Variants in TEAD1 observed in about 807,000 individuals in gnomAD.
TEAD1 encodes transcriptional enhancer factor TEF-1.
TEAD1 carries 9 observed loss-of-function variants against 54.9 expected under a neutral mutation model. The ratio of observed to expected loss-of-function variants is 0.16; its 90% CI spans 0.10 to 0.29. TEAD1 has a LOEUF of 0.29. Among genes scored for constraint, TEAD1 ranks in the 10% least tolerant of loss-of-function variants. The pLI is 1.00. For missense variants in TEAD1, 387 were observed against 535.9 expected, an observed-to-expected ratio of 0.72 and a Z score of 2.74; for synonymous variants, 200 against 187.8, an observed-to-expected ratio of 1.07 and a Z score of -0.53.
chr11:12,773,549 C>T (rs1444970381), intron 3 of TEAD1, among the ~76,000 whole-genome samples: 4 of 152,096 alleles, frequency 2.6e-5, no homozygotes, highest in Non-Finnish European at 5.9e-5. Flanking sequence ...TGCTTATTTG[C>T]CATCTGTATA....
intron 3 of TEAD1, chr11:12,822,792 A>G (rs1162537047): frequency 1.3e-5 from 2 of 152,206 alleles, no homozygotes; most frequent in African/African-American, 4.8e-5. Flanking sequence ...ATTAGCATCC[A>G]TATTAGTAAG....
chr11:12,692,865 G>A (rs547227171), intron 2 of TEAD1, among the ~76,000 whole-genome samples: 4 of 152,312 alleles, frequency 2.6e-5, no homozygotes, highest in Admixed American at 2.6e-4. Flanking sequence ...CTGCACTTTG[G>A]CCTTGCCTGG....
In TEAD1 at chr11:12,857,133, A is replaced by G. The variant is rs1589930049; in HGVS notation, c.203-5117A>G. Among the ~76,000 whole-genome samples, 5 of 152,320 alleles carry G rather than the reference A, an allele frequency of 3.3e-5. No individual in the cohort carries two copies. The Middle Eastern group carries it at 0.017, about 518-fold the overall frequency. ...TATTGCCCCTTTAGCAGGAAATTCCATGGCAATCCAAGATGCAAGAGAAGC... is the reference window on the plus strand; with the variant it reads ...TATTGCCCCTTTAGCAGGAAATTCCGTGGCAATCCAAGATGCAAGAGAAGC... On this transcript the variant is annotated intron_variant, in intron 3 of 12. Transcript: ENST00000527636.
At chr11:12,844,598 A>G (rs1947102470) in intron 3 of TEAD1, among the ~76,000 whole-genome samples, 1 of 152,178 alleles carries the variant, frequency 6.6e-6, no homozygotes, top group African/African-American at 2.4e-5. Context: ...AAATCTCCAC[A>G]GCAATATGGC....
intron 5 of TEAD1, chr11:12,878,917 A>C (rs1378970371): frequency 7.8e-7 from 1 of 1,286,976 alleles, no homozygotes; most frequent in Admixed American, 2.3e-5. Flanking sequence ...ATTTTCACCA[A>C]ACTGAGTATT....
At chr11:12,874,546 A>G (rs747067411) in intron 5 of TEAD1, among the ~76,000 whole-genome samples, 12 of 152,246 alleles carry the variant, frequency 7.9e-5, no homozygotes, top group Admixed American at 7.2e-4. Flanking sequence ...TACTTAGAAC[A>G]ATAACAATTT....
At chr11:12,779,819 A>G (rs181198576) in intron 3 of TEAD1, among the ~76,000 whole-genome samples, 114 of 152,330 alleles carry the variant, frequency 7.5e-4, no homozygotes, top group Non-Finnish European at 1.3e-3. Context: ...TAGAGTGAAG[A>G]AAAAACCACA....
chr11:12,774,481 G>C (rs978080537), intron 3 of TEAD1, among the ~76,000 whole-genome samples: 2 of 152,154 alleles, frequency 1.3e-5, no homozygotes, highest in African/African-American at 4.8e-5. Flanking sequence ...TAAAAGCAGA[G>C]AGCAGAACAG....
At position 12,885,491 on chromosome 11, in the gene TEAD1, C is replaced by A. The variant is rs144836139; in HGVS notation, c.699+2366C>A. ...TGACCTTGTGATCTGCCCGCCTAGG[C>A]CTCCCGAAGTGCTGGGATTACAGGC... On this transcript the variant is annotated intron_variant, in intron 9 of 12. Transcript: ENST00000527636. 4.6e-3 allele frequency among the ~76,000 whole-genome samples: 699 copies of A among 152,182 alleles called. 3 individuals carry two copies. The highest frequency in any genetic ancestry group is 0.016 in the African/African-American group (672 of 41,526).
chr11:12,931,787 AT>A (rs1332686293), intron 12 of TEAD1, among the ~76,000 whole-genome samples: 1 of 152,136 alleles, frequency 6.6e-6, no homozygotes, highest in African/African-American at 2.4e-5. Context: ...ATAAAAAAAA[AT>A]AAGTAACATT....
intron 11 of TEAD1, among the ~76,000 whole-genome samples, chr11:12,927,902 G>T (rs1216441608): frequency 6.6e-6 from 1 of 152,034 alleles, no homozygotes; most frequent in African/African-American, 2.4e-5. Flanking sequence ...AGATTCCTGG[G>T]GTACCCTTGT....
At chr11:12,688,772 G>T (rs1051344570) in intron 2 of TEAD1, among the ~76,000 whole-genome samples, 1 of 152,146 alleles carries the variant, frequency 6.6e-6, no homozygotes, top group Non-Finnish European at 1.5e-5. Flanking sequence ...GAGTTTAAAT[G>T]AAATATAGCG....
At chr11:12,924,084 C>A (rs897180925) in intron 10 of TEAD1, among the ~76,000 whole-genome samples, 3 of 152,158 alleles carry the variant, frequency 2.0e-5, no homozygotes, top group Non-Finnish European at 4.4e-5. Context: ...CCCCCATAAC[C>A]TGTGCCCAAG....
intron 3 of TEAD1, among the ~76,000 whole-genome samples, chr11:12,806,651 C>T (rs532331748): frequency 1.3e-5 from 2 of 152,338 alleles, no homozygotes; most frequent in Admixed American, 1.3e-4. Context: ...GACTAACTTC[C>T]AACTGCCTTT....
intron 3 of TEAD1, among the ~76,000 whole-genome samples, chr11:12,805,916 G>A (rs1009338823): frequency 6.6e-6 from 1 of 152,046 alleles, no homozygotes; most frequent in African/African-American, 2.4e-5. Context: ...GAATTTTGCT[G>A]AGTATTTTTA....
chr11:12,773,819 CT>C (rs1320158298), intron 3 of TEAD1, among the ~76,000 whole-genome samples: 1 of 152,006 alleles, frequency 6.6e-6, no homozygotes, highest in African/African-American at 2.4e-5. Flanking sequence ...TTAGTTTTTC[CT>C]TTTGTGAGTC....
At chr11:12,794,299 A>G (rs193233466) in intron 3 of TEAD1, among the ~76,000 whole-genome samples, 8 of 152,278 alleles carry the variant, frequency 5.3e-5, no homozygotes, top group Admixed American at 3.3e-4. Flanking sequence ...GTTCATCTCT[A>G]TCCTCATTAG....
intron 5 of TEAD1, among the ~76,000 whole-genome samples, chr11:12,878,701 CCTTTT>C (rs1947906146): frequency 6.6e-6 from 1 of 152,052 alleles, no homozygotes; most frequent in African/African-American, 2.4e-5. Context: ...ATCTGGATCA[CCTTTT>C]CTTCCTAAAA....
intron 3 of TEAD1, among the ~76,000 whole-genome samples, chr11:12,806,876 T>A (rs1030329457): frequency 6.6e-6 from 1 of 152,196 alleles, no homozygotes; most frequent in African/African-American, 2.4e-5. Flanking sequence ...AATTGCAGGT[T>A]GTGCTAAACA....
Sources: allele counts gnomAD v4.1 joint callset (sites outside exome capture counted in the v4.1 genomes callset), GRCh38; gene constraint gnomAD v4.1.1; transcripts MANE v1.5; gene names NCBI Gene and HGNC (gene_info 2026-07-23, HGNC 2026-07-21).